KCTD2: variants seen among roughly 807,000 people sequenced by gnomAD.
The protein encoded by KCTD2 is potassium channel tetramerization domain containing 2, also known as BTB/POZ domain-containing protein KCTD2.
In KCTD2, 18 loss-of-function variants were observed where a neutral mutation model predicts 27.9. The ratio of observed to expected loss-of-function variants is 0.64; its 90% CI spans 0.45 to 0.96. The LOEUF (loss-of-function observed/expected upper bound fraction) is 0.96, where lower values mean the gene tolerates loss of function less well. KCTD2 is among the 40% of genes least tolerant of loss of function. KCTD2 has a pLI of 0.00. For missense variants in KCTD2, 280 were observed against 348.0 expected (o/e 0.80, Z 1.56); for synonymous variants, 175 against 148.4 (o/e 1.18, Z -1.30).
intron 3 of KCTD2, among the ~76,000 whole-genome samples, chr17:75,058,664 C>T (rs12940199): frequency 0.17 from 24,267 of 144,668 alleles, 3,059 homozygotes; most frequent in East Asian, 0.63. Flanking sequence ...CCAGGCTTAG[C>T]GGCAGGCGCC....
chr17:75,044,769 TAA>T (rs970246120), upstream of KCTD2, among the ~76,000 whole-genome samples: 6 of 152,214 alleles, frequency 3.9e-5, no homozygotes, highest in Non-Finnish European at 8.8e-5. Context: ...GGTCAGATAT[TAA>T]AAGACTGCAA....
chr17:75,058,820 G>A (rs574650354), intron 3 of KCTD2, among the ~76,000 whole-genome samples: 1 of 150,278 alleles, frequency 6.7e-6, no homozygotes, highest in Admixed American at 6.6e-5. Flanking sequence ...TAAATAGGCC[G>A]GGCGCGGTGG....
upstream of KCTD2, among the ~76,000 whole-genome samples, chr17:75,046,558 C>A (rs2073219687): frequency 6.6e-6 from 1 of 152,262 alleles, no homozygotes; most frequent in Non-Finnish European, 1.5e-5. Flanking sequence ...AAGGGCGCAG[C>A]CCCGCAGCCA....
intron 3 of KCTD2, among the ~76,000 whole-genome samples, chr17:75,056,447 C>T (rs1430981539): frequency 1.3e-5 from 2 of 152,138 alleles, no homozygotes; most frequent in African/African-American, 2.4e-5. Context: ...GTCATGGTAC[C>T]TGAACATTCT....
chr17:75,047,454 C>G lies in KCTD2; in HGVS notation c.204C>G (p.Gly68=). 1 of 1,541,354 alleles carries G rather than the reference C, an allele frequency of 6.5e-7. No homozygotes were observed. Among genetic ancestry groups the G allele is most frequent in the Non-Finnish European group, 8.7e-7 (1 of 1,145,176 alleles). ...GPGPPERAGG[G]GAARWVRLNV... ...GACCACCCGAGCGGGCAGGGGGCGG[C>G]GGCGCGGCCCGCTGGGTCAGGCTGA... The change falls in exon 1 of 6, where the codon GGC becomes GGG. Residue 68 remains glycine (G), a synonymous_variant. Coordinates refer to ENST00000322444, the MANE Select transcript of KCTD2 (RefSeq NM_015353.3).
At chr17:75,036,169 T>TCATC (rs896945536) in intron 3 of KCTD2, 21 of 370,998 alleles carry the variant, frequency 5.7e-5, no homozygotes, top group Non-Finnish European at 8.3e-5. Flanking sequence ...TTCTCCTGCC[T>TCATC]CATCCTCCCA....
At position 75,062,233 on chromosome 17, in the gene KCTD2, C is replaced by A. The variant is rs146327952; in HGVS notation, c.750C>A (p.Ser250Arg). The change falls in exon 5 of 6, where the codon AGC (serine) becomes AGA (arginine). Residue 250 changes from serine (S) to arginine (R), a missense_variant. Physicochemically the swap from Ser to Arg is moderately radical, Grantham distance 110. Coordinates refer to ENST00000322444, the MANE Select transcript of KCTD2 (RefSeq NM_015353.3). ...NSTNGIVIEPSEKAKILQERG... is the reference protein window; with the variant it reads ...NSTNGIVIEPREKAKILQERG... ...CCAATGGCATCGTCATAGAGCCGAG[C>A]GAAAAGGCGAAGGTAAGGAGCCCCT... The A allele has an allele frequency of 1.9e-6, 3 of 1,612,126 alleles. No homozygotes were observed. The highest frequency in any genetic ancestry group is 2.5e-6 in the Non-Finnish European group (3 of 1,179,288).
chr17:75,049,597 A>G (rs1187650567), intron 2 of KCTD2, among the ~76,000 whole-genome samples: 1 of 152,202 alleles, frequency 6.6e-6, no homozygotes, highest in Non-Finnish European at 1.5e-5. Context: ...GAATCTCCAG[A>G]ATTGTCACGA....
chr17:75,063,097 C>T lies in KCTD2; in HGVS notation c.*50C>T. The T allele has an allele frequency of 3.2e-6, 5 of 1,576,784 alleles. No homozygotes were observed. Among genetic ancestry groups the T allele is most frequent in the Non-Finnish European group, 4.4e-6 (5 of 1,147,336 alleles). On this transcript the variant is annotated 3_prime_UTR_variant, in exon 6 of 6. Coordinates refer to ENST00000322444, the MANE Select transcript of KCTD2 (RefSeq NM_015353.3). ...CTTCAGGAGAGCAGTCAGCAGAGCCCCTCTGTGAAGTGAAACCTCACTCCT... is the reference window on the plus strand; with the variant it reads ...CTTCAGGAGAGCAGTCAGCAGAGCCTCTCTGTGAAGTGAAACCTCACTCCT...
intron 1 of KCTD2, among the ~76,000 whole-genome samples, chr17:75,033,624 C>G (rs1000115515): frequency 4.6e-5 from 7 of 152,216 alleles, no homozygotes; most frequent in Non-Finnish European, 1.0e-4. Context: ...GAAACTCCTC[C>G]AAACCTCAGT....
chr17:75,037,188 C>CA (rs1454113332), intron 3 of KCTD2, among the ~76,000 whole-genome samples: 3 of 151,718 alleles, frequency 2.0e-5, no homozygotes, highest in Non-Finnish European at 2.9e-5. Flanking sequence ...ACTAAAAATA[C>CA]AAAAAATGAG....
chr17:75,042,280 G>A, upstream of KCTD2: 2 of 1,613,498 alleles, frequency 1.2e-6, no homozygotes, highest in Non-Finnish European at 1.7e-6. Flanking sequence ...CAGCCAACCT[G>A]CCCACAAGGA....
Position 75,062,207 on chromosome 17 carries a change from A to C in KCTD2, c.724A>C (p.Thr242Pro). The C allele has an allele frequency of 6.2e-7, 1 of 1,614,022 alleles. No homozygotes were observed. The highest frequency in any genetic ancestry group is 8.5e-7 in the Non-Finnish European group (1 of 1,179,952). Residue 242 changes from threonine to proline, a missense_variant, in exon 5 of 6, where the codon ACC becomes CCC. Physicochemically the swap from Thr to Pro is conservative, Grantham distance 38 (BLOSUM62 -1). Transcript: ENST00000322444. ...CVVSRELNNSTNGIVIEPSEK... is the reference protein window; with the variant it reads ...CVVSRELNNSPNGIVIEPSEK... ...TGTCTCCAGAGAACTAAATAATTCT[A>C]CCAATGGCATCGTCATAGAGCCGAG...
At chr17:75,049,875 A>AT (rs1386306386) in intron 2 of KCTD2, among the ~76,000 whole-genome samples, 4 of 152,216 alleles carry the variant, frequency 2.6e-5, no homozygotes, top group Non-Finnish European at 5.9e-5. Flanking sequence ...CATTGGGACT[A>AT]TAAGTGGGTC....
upstream of KCTD2, chr17:75,047,213 C>A: frequency 1.6e-6 from 1 of 608,020 alleles, no homozygotes; most frequent in Non-Finnish European, 2.2e-6. Context: ...GCCGGCCCGG[C>A]TGCGCGCGGG....
chr17:75,056,672 A>T (rs1273670677), intron 3 of KCTD2, among the ~76,000 whole-genome samples: 1 of 152,226 alleles, frequency 6.6e-6, no homozygotes, highest in Non-Finnish European at 1.5e-5. Context: ...ATTTGATGTT[A>T]TTCAAAGACA....
At chr17:75,048,796 G>A (rs183688267) in intron 1 of KCTD2, 276 of 154,658 alleles carry the variant, frequency 1.8e-3, no homozygotes, top group Non-Finnish European at 3.1e-3. Flanking sequence ...TTGGAATTAG[G>A]AATGCAGTTC....
At chr17:75,059,643 T>C in intron 4 of KCTD2, 38 bp downstream of exon 4, 1 of 1,487,608 alleles carries the variant, frequency 6.7e-7, no homozygotes, top group Non-Finnish European at 9.4e-7. Flanking sequence ...CAGGCCCCGT[T>C]CAAGGGGTCT....
intron 4 of KCTD2, among the ~76,000 whole-genome samples, chr17:75,061,334 A>G (rs757538052): frequency 2.6e-5 from 4 of 152,164 alleles, no homozygotes; most frequent in South Asian, 2.1e-4. Context: ...TCTGAATTCT[A>G]TTATCCAAAA....
Sources: allele counts gnomAD v4.1 joint callset (sites outside exome capture counted in the v4.1 genomes callset), GRCh38; gene constraint gnomAD v4.1.1; transcripts MANE v1.5; gene names NCBI Gene and HGNC (gene_info 2026-07-23, HGNC 2026-07-21).